MTMR1: variants seen among roughly 807,000 people sequenced by gnomAD.
MTMR1 encodes the protein phosphatidylinositol-3-phosphate phosphatase MTMR1.
In MTMR1, 17 loss-of-function variants were observed where a neutral mutation model predicts 51.6. The observed-to-expected ratio is 0.33, with a 90% confidence interval of 0.23 to 0.49. The LOEUF is 0.49. Among genes scored for constraint, MTMR1 ranks in the 20% least tolerant of loss-of-function variants. MTMR1 has a pLI of 0.99. For synonymous variants in MTMR1, 201 were observed against 205.6 expected (o/e 0.98, Z 0.19); for missense variants, 386 against 526.9 (o/e 0.73, Z 2.62).
chrX:150,747,724 T>C (rs1180992602), intron 13 of MTMR1, among the ~76,000 whole-genome samples: 1 of 111,072 alleles, frequency 9.0e-6, no homozygotes, highest in African/African-American at 3.3e-5. Flanking sequence ...GCCTTTGTTT[T>C]CCAGTTTTCA....
chrX:150,759,784 C>A (rs1329213897), intron 15 of MTMR1, among the ~76,000 whole-genome samples: 1 of 110,195 alleles, frequency 9.1e-6, no homozygotes, highest in Non-Finnish European at 1.9e-5. Flanking sequence ...AACCTGCAGT[C>A]CTCTTGTGTG....
chrX:150,737,570 C>A, intron 12 of MTMR1, 122 bp downstream of exon 12: 1 of 526,491 alleles, frequency 1.9e-6, no homozygotes, highest in Non-Finnish European at 3.1e-6. Context: ...TCTTCTGTAT[C>A]ATATCAGACC....
intron 15 of MTMR1, among the ~76,000 whole-genome samples, chrX:150,759,174 C>G (rs1369677035): frequency 6.2e-5 from 7 of 112,648 alleles, no homozygotes; most frequent in South Asian, 3.7e-4. Flanking sequence ...GCACTTCTTT[C>G]CAGTCAGTGG....
chrX:150,694,409 A>C (rs2040598897), intron 1 of MTMR1, among the ~76,000 whole-genome samples: 2 of 111,767 alleles, frequency 1.8e-5, no homozygotes, highest in Admixed American at 9.4e-5. Flanking sequence ...GCCTCCTCCG[A>C]CGACAAGAGA....
At chrX:150,756,396 G>A (rs989421414) in intron 15 of MTMR1, among the ~76,000 whole-genome samples, 57 of 111,930 alleles carry the variant, frequency 5.1e-4, no homozygotes, top group Admixed American at 2.3e-3. Context: ...AACAAAATTA[G>A]AGAATGGTGC....
At chrX:150,748,173 A>G (rs1375251755) in intron 13 of MTMR1, among the ~76,000 whole-genome samples, 2 of 111,369 alleles carry the variant, frequency 1.8e-5, no homozygotes, top group African/African-American at 6.5e-5. Context: ...TCACTTCCCA[A>G]AGGCCCCACT....
At chrX:150,695,718 A>T (rs1557415714) in intron 1 of MTMR1, among the ~76,000 whole-genome samples, 2 of 112,111 alleles carry the variant, frequency 1.8e-5, no homozygotes, top group African/African-American at 6.5e-5. Context: ...TAGTTGATCT[A>T]TCTGAGCCTG....
In MTMR1 at chrX:150,716,982, C is replaced by T. The variant is rs1230557084; in HGVS notation, c.277-1643C>T. 3.6e-5 allele frequency among the ~76,000 whole-genome samples: 4 copies of T among 111,777 alleles called. No homozygotes were observed. The East Asian group carries it at 1.1e-3, about 31-fold the overall frequency. Reference sequence around the variant, plus strand: ...AACAGGTGGAAAAAGCAGTCCCGATCAAATAGGTATGAGGAATGCATTATA... The same window carrying T: ...AACAGGTGGAAAAAGCAGTCCCGATTAAATAGGTATGAGGAATGCATTATA... On this transcript the variant is annotated intron_variant, in intron 3 of 15. Coordinates refer to ENST00000445323, the MANE Select transcript of MTMR1 (RefSeq NM_001306144.3).
chrX:150,737,016 A>G (rs782406087), intron 11 of MTMR1, among the ~76,000 whole-genome samples: 1 of 111,226 alleles, frequency 9.0e-6, no homozygotes, highest in Admixed American at 9.6e-5. Context: ...TTAATAAGGA[A>G]CCATATTTAC....
rs1557417391 is a variant in MTMR1 at position 150,744,356 on chromosome X, T to C, written c.1474-5T>C. On this transcript the variant is annotated splice_polypyrimidine_tract_variant and splice_region_variant and intron_variant, in intron 12 of 15. Transcript: ENST00000445323. The stretch of plus-strand genomic sequence containing the variant: ...TAAAACGTTTAACCTTCTGTTTCTG[T>C]TCAGCGAGTGGGCCATGGTAATGAC... 1 of 1,204,815 alleles carries C rather than the reference T, an allele frequency of 8.3e-7. No homozygotes were observed.
chrX:150,701,083 A>G (rs2040888731), intron 2 of MTMR1, among the ~76,000 whole-genome samples: 1 of 112,584 alleles, frequency 8.9e-6, no homozygotes, highest in South Asian at 3.6e-4. Context: ...AAAGTCTTTG[A>G]TGAATTATTG....
Position 150,762,787 on chromosome X carries a change from C to G in MTMR1, c.*58C>G. ...CCGGTGGCTCAGGAAAGGGACCTGG[C>G]GATCACTGTTATGGCTGTAGCTTGT... On this transcript the variant is annotated 3_prime_UTR_variant, in exon 16 of 16. Transcript: ENST00000445323. 2 of 1,091,046 alleles carry G rather than the reference C, an allele frequency of 1.8e-6. No homozygotes were observed. The highest frequency in any genetic ancestry group is 3.7e-4 in the Middle Eastern group (1 of 2,672). The allele number at this position is 1,091,046 out of a possible 1,213,427, so 89.9% of individuals were successfully genotyped here.
chrX:150,717,337 G>A (rs1368128022), intron 3 of MTMR1, among the ~76,000 whole-genome samples: 8 of 78,325 alleles, frequency 1.0e-4, no homozygotes, highest in Admixed American at 1.9e-4. Context: ...CTAGCCTGGC[G>A]ACAGAGCGAG....
intron 14 of MTMR1, among the ~76,000 whole-genome samples, chrX:150,753,136 G>A (rs182888845): frequency 1.0e-3 from 117 of 112,186 alleles, no homozygotes; most frequent in Non-Finnish European, 1.6e-3. Context: ...TTTGCTTAGC[G>A]TAATGTTTTC....
chrX:150,718,916 G>GT (rs2041654606), intron 4 of MTMR1, among the ~76,000 whole-genome samples: 1 of 110,642 alleles, frequency 9.0e-6, no homozygotes, highest in Non-Finnish European at 1.9e-5. Context: ...ATTTGATGGC[G>GT]TTCCCAACAG....
intron 1 of MTMR1, 144 bp from the exon 2 acceptor site, chrX:150,699,051 A>G: frequency 3.0e-6 from 1 of 329,014 alleles, no homozygotes; most frequent in African/African-American, 2.7e-5. Context: ...TCGCTATTTC[A>G]GTTCTTACAT....
intron 13 of MTMR1, among the ~76,000 whole-genome samples, chrX:150,748,233 G>T (rs1485186135): frequency 9.0e-6 from 1 of 111,611 alleles, no homozygotes; most frequent in Non-Finnish European, 1.9e-5. Context: ...AAATTTTGGG[G>T]GGATACAGAT....
chrX:150,733,975 A>G (rs1557417081), intron 10 of MTMR1, among the ~76,000 whole-genome samples: 1 of 111,835 alleles, frequency 8.9e-6, no homozygotes, highest in African/African-American at 3.3e-5. Context: ...TGTCATACAA[A>G]TTACTACCAA....
chrX:150,717,956 C>A (rs1422977428), intron 3 of MTMR1, among the ~76,000 whole-genome samples: 1 of 112,827 alleles, frequency 8.9e-6, no homozygotes, highest in Non-Finnish European at 1.9e-5. Context: ...CTGTTGCCTG[C>A]CAGATGAGAG....
Sources: gnomAD v4.1 joint callset for allele counts (sites outside exome capture counted in the v4.1 genomes callset) on GRCh38, gnomAD v4.1.1 for gene constraint, MANE v1.5 for transcripts, NCBI Gene and HGNC (gene_info 2026-07-23, HGNC 2026-07-21) for gene names.